Variants in SCN9A observed in about 807,000 individuals in gnomAD.
The protein encoded by SCN9A is sodium channel protein type 9 subunit alpha.
A neutral mutation model predicts 187.0 loss-of-function variants in SCN9A; 131 were observed. The ratio of observed to expected loss-of-function variants is 0.70; its 90% confidence interval spans 0.61 to 0.81. The LOEUF (loss-of-function observed/expected upper bound fraction) is 0.81, where lower values mean the gene tolerates loss of function less well. Ranked by LOEUF, SCN9A falls within the 30% of genes least tolerant of loss-of-function variation. SCN9A has a pLI of 0.00. For synonymous variants in SCN9A, 809 were observed against 808.6 expected (o/e 1.00, Z -0.01); for missense variants, 2,252 against 2,396.6 (o/e 0.94, Z 1.26).
At position 166,228,873 on chromosome 2, in the gene SCN9A, A is replaced by G; in HGVS notation, c.4024T>C (p.Leu1342=). The G allele has an allele frequency of 1.2e-6, 2 of 1,613,844 alleles. No homozygotes were observed. Among genetic ancestry groups the G allele is most frequent in the Non-Finnish European group, 1.7e-6 (2 of 1,179,758 alleles). ...WLIFSIMGVN[L]FAGKFYECIN... ...CACTCATAGAACTTGCCAGCAAACA[A>G]ATTTACTCCCATGATGCTGAATATC... Residue 1342 remains leucine (L), a synonymous_variant, in exon 22 of 27, where the codon TTG becomes CTG. Transcript: ENST00000642356.
chr2:166,327,366 A>T (rs186771296), intron 1 of SCN9A, among the ~76,000 whole-genome samples: 1 of 152,264 alleles, frequency 6.6e-6, no homozygotes, highest in Non-Finnish European at 1.5e-5. Context: ...CATGTTGCCC[A>T]GGCTCGTCTT....
At chr2:166,228,345 C>T (rs1468489608) in intron 22 of SCN9A, among the ~76,000 whole-genome samples, 1 of 150,718 alleles carries the variant, frequency 6.6e-6, no homozygotes, top group African/African-American at 2.4e-5. Context: ...CAACCTCCGC[C>T]TCCCAGGTTC....
At chr2:166,352,551 T>C (rs1358005625) in intron 1 of SCN9A, among the ~76,000 whole-genome samples, 1 of 152,220 alleles carries the variant, frequency 6.6e-6, no homozygotes, top group Non-Finnish European at 1.5e-5. Flanking sequence ...TCACAAAACA[T>C]CAATCATTAA....
At chr2:166,281,625 A>G in intron 13 of SCN9A, 54 bp downstream of exon 13, 1 of 1,545,138 alleles carries the variant, frequency 6.5e-7, no homozygotes, top group East Asian at 2.3e-5. Flanking sequence ...GGTTGACCAG[A>G]TTTATGTTAA....
At chr2:166,361,400 T>G (rs1030757605) in intron 1 of SCN9A, among the ~76,000 whole-genome samples, 1 of 152,128 alleles carries the variant, frequency 6.6e-6, no homozygotes, top group Admixed American at 6.5e-5. Flanking sequence ...TGTATGCTTA[T>G]AGCAAAACCA....
chr2:166,339,733 A>C (rs1559050222), intron 1 of SCN9A, among the ~76,000 whole-genome samples: 1 of 152,198 alleles, frequency 6.6e-6, no homozygotes, highest in South Asian at 2.1e-4. Context: ...AGGAGAGTTA[A>C]TAGTATAAAG....
intron 1 of SCN9A, among the ~76,000 whole-genome samples, chr2:166,316,991 T>C (rs1699125132): frequency 6.6e-6 from 1 of 152,048 alleles, no homozygotes; most frequent in Non-Finnish European, 1.5e-5. Flanking sequence ...GACTATTTAA[T>C]GAATTAAATG....
chr2:166,354,262 G>A (rs1333193632), intron 1 of SCN9A, among the ~76,000 whole-genome samples: 1 of 152,034 alleles, frequency 6.6e-6, no homozygotes, highest in East Asian at 1.9e-4. Flanking sequence ...AAAAATATAA[G>A]GATTCTGCTA....
chr2:166,304,358 A>G, intron 5 of SCN9A, 29 bp from the exon 6 acceptor site: 6 of 1,581,600 alleles, frequency 3.8e-6, no homozygotes, highest in Non-Finnish European at 5.2e-6. Flanking sequence ...ATTATTCAGA[A>G]TTTAGATAGA....
chr2:166,319,816 G>A (rs988230142), intron 1 of SCN9A, among the ~76,000 whole-genome samples: 5 of 152,256 alleles, frequency 3.3e-5, no homozygotes, highest in African/African-American at 9.6e-5. Flanking sequence ...TTGAGAGGTA[G>A]AGGGGGATTA....
chr2:166,288,496 T>G lies in SCN9A; in HGVS notation c.1255A>C (p.Lys419Gln). Residue 419 changes from lysine (K) to glutamine (Q), a missense_variant, in exon 10 of 27, where the codon AAA becomes CAA. Lys to Gln is a moderately conservative substitution (Grantham distance 53). Coordinates refer to ENST00000642356, the MANE Select transcript of SCN9A (RefSeq NM_001365536.1). ...NQANIEEAKQ[K>Q]ELEFQQMLDR... is the part of the protein sequence containing the mutation. Reference sequence around the variant, plus strand: ...AACATCTGTTGAAATTCTAATTCTTTCTGTTTAGCTTCTTCAATGTTTGCC... The same window carrying G: ...AACATCTGTTGAAATTCTAATTCTTGCTGTTTAGCTTCTTCAATGTTTGCC... 6.2e-7 allele frequency: 1 copy of G among 1,613,280 alleles called. No individual in the cohort carries two copies. The highest frequency in any genetic ancestry group is 8.5e-7 in the Non-Finnish European group (1 of 1,179,430).
At chr2:166,236,964 A>G (rs1695344935) in intron 20 of SCN9A, among the ~76,000 whole-genome samples, 2 of 152,220 alleles carry the variant, frequency 1.3e-5, no homozygotes, top group South Asian at 4.1e-4. Context: ...GTTGACCTCT[A>G]ATTATGTCAG....
At chr2:166,292,698 T>C (rs2106502064) in intron 9 of SCN9A, among the ~76,000 whole-genome samples, 1 of 151,864 alleles carries the variant, frequency 6.6e-6, no homozygotes, top group East Asian at 1.9e-4. Context: ...GCCACATGAA[T>C]TACCACTTGC....
intron 17 of SCN9A, among the ~76,000 whole-genome samples, chr2:166,259,537 T>C (rs1422649899): frequency 4.6e-5 from 7 of 151,780 alleles, no homozygotes; most frequent in Non-Finnish European, 1.0e-4. Context: ...TATTTAAAAA[T>C]TGAATTTAAA....
At chr2:166,352,121 A>G (rs1036131679) in intron 1 of SCN9A, among the ~76,000 whole-genome samples, 4 of 152,168 alleles carry the variant, frequency 2.6e-5, no homozygotes, top group South Asian at 2.1e-4. Flanking sequence ...AGAAAAAACT[A>G]TAAAGTTGGT....
chr2:166,314,202 GA>G (rs1699049433), intron 1 of SCN9A, among the ~76,000 whole-genome samples: 1 of 152,148 alleles, frequency 6.6e-6, no homozygotes, highest in Non-Finnish European at 1.5e-5. Flanking sequence ...ACATGCTGTT[GA>G]AAAAATTACG....
intron 1 of SCN9A, among the ~76,000 whole-genome samples, chr2:166,323,946 G>A (rs1030412933): frequency 6.6e-6 from 1 of 150,968 alleles, no homozygotes; most frequent in African/African-American, 2.4e-5. Context: ...CTTGATTAGA[G>A]GGACTATGAT....
intron 26 of SCN9A, among the ~76,000 whole-genome samples, chr2:166,200,368 A>G (rs1398375487): frequency 6.6e-6 from 1 of 152,064 alleles, no homozygotes; most frequent in Non-Finnish European, 1.5e-5. Flanking sequence ...AATGACTAAC[A>G]TTACCATTGT....
intron 17 of SCN9A, among the ~76,000 whole-genome samples, chr2:166,268,745 T>G (rs1480611438): frequency 6.6e-6 from 1 of 152,048 alleles, no homozygotes; most frequent in East Asian, 1.9e-4. Flanking sequence ...ATCTTGAACC[T>G]TCATTATTTC....
Sources: gnomAD v4.1 joint callset for allele counts (sites outside exome capture counted in the v4.1 genomes callset) on GRCh38, gnomAD v4.1.1 for gene constraint, MANE v1.5 for transcripts, NCBI Gene and HGNC (gene_info 2026-07-23, HGNC 2026-07-21) for gene names.